NBEAL2: variants seen among roughly 807,000 people sequenced by gnomAD.
The protein encoded by NBEAL2 is neurobeachin-like protein 2.
Under a neutral mutation model 299.8 loss-of-function variants are expected in NBEAL2, and 160 were observed. The observed-to-expected ratio is 0.53, with a 90% CI of 0.47 to 0.61. NBEAL2 has a LOEUF of 0.61. Among genes scored for constraint, NBEAL2 ranks in the 20% least tolerant of loss-of-function variants. The pLI is 0.00. For synonymous variants in NBEAL2, 1,493 were observed against 1,542.3 expected (o/e 0.97, Z 0.75); for missense variants, 3,112 against 3,649.0 (o/e 0.85, Z 3.79).
rs2037270372 is a variant in NBEAL2, at chr3:47,004,431, C to G, written c.6198+38C>G. The G allele has an allele frequency of 1.9e-6, 3 of 1,594,828 alleles. 1 individual carries two copies. Among genetic ancestry groups the G allele is most frequent in the East Asian group, 4.5e-5 (2 of 44,640 alleles). Reference sequence around the variant, plus strand: ...GGTGTGAGGGATGTGAAGTCGGGACCCTGAATCACGGGGCAGTGCTGGACA... The same window carrying G: ...GGTGTGAGGGATGTGAAGTCGGGACGCTGAATCACGGGGCAGTGCTGGACA... On this transcript the variant is annotated intron_variant, in intron 37 of 53. Transcript: ENST00000450053. The surrounding 1 kb of genome is among the most constrained non-coding windows in gnomAD (Gnocchi z 5.0).
chr3:47,002,539 G>A lies in NBEAL2; in HGVS notation c.5301+19G>A, dbSNP rs1326398436. 3 of 1,611,746 alleles carry A rather than the reference G, an allele frequency of 1.9e-6. No homozygotes were observed. Among genetic ancestry groups the A allele is most frequent in the Non-Finnish European group, 2.5e-6 (3 of 1,179,480 alleles). The stretch of plus-strand genomic sequence containing the variant: ...CTTCCAGGTGTGCCACCCGGGGTAA[G>A]GGATGGGAAACTGCTCCACACATGC... On this transcript the variant is annotated intron_variant, in intron 32 of 53. Coordinates refer to ENST00000450053, the MANE Select transcript of NBEAL2 (RefSeq NM_015175.3).
chr3:46,988,790 G>C lies in NBEAL2; in HGVS notation c.140+33G>C. 1.9e-6 allele frequency: 3 copies of C among 1,606,568 alleles called. No individual in the cohort carries two copies. Among genetic ancestry groups the C allele is most frequent in the Non-Finnish European group, 2.6e-6 (3 of 1,173,854 alleles). On this transcript the variant is annotated intron_variant, in intron 2 of 53. Transcript: ENST00000450053. The surrounding 1 kb of genome is among the most constrained non-coding windows in gnomAD (Gnocchi z 4.4). ...TGGATCTGCACTGAGGGCAGGGACA[G>C]AGCAGGGAGATTGAGGGGTCCTCAG...
At chr3:46,998,931 G>A (rs759247094) in intron 23 of NBEAL2, 28 bp from the exon 24 acceptor site, 35 of 1,601,906 alleles carry the variant, frequency 2.2e-5, no homozygotes, top group South Asian at 1.2e-4. Flanking sequence ...GTGGGGGCCC[G>A]ACACAGTGTG....
At chr3:46,998,366 T>C in intron 21 of NBEAL2, 97 bp from the exon 22 acceptor site, 5 of 1,512,268 alleles carry the variant, frequency 3.3e-6, no homozygotes, top group Non-Finnish European at 4.5e-6. Context: ...ACTATGACCC[T>C]GCCCTGGAAG....
rs146846729 is a variant in NBEAL2 at position 47,004,736 on chromosome 3, T to A, written c.6294+146T>A. On this transcript the variant is annotated intron_variant, in intron 38 of 53. Coordinates refer to ENST00000450053, the MANE Select transcript of NBEAL2 (RefSeq NM_015175.3). This position sits in a 1 kb window ranked among gnomAD's most constrained non-coding sequence, Gnocchi z 5.0. ...CAATGAAGACCTGGCCTCTGTTCCC[T>A]GCCAACCCCCAGAGGTCCCCAGCCT... 5 of 397,370 alleles carry A rather than the reference T, an allele frequency of 1.3e-5. No homozygotes were observed. Among genetic ancestry groups the A allele is most frequent in the South Asian group, 3.9e-5 (1 of 25,756 alleles). The allele number at this position is 397,370 out of a possible 1,614,324, so 24.6% of individuals were successfully genotyped here.
At position 46,997,453 on chromosome 3, in the gene NBEAL2, A is replaced by G; in HGVS notation, c.2824+20A>G. ...CTTCAGGTAAGTGTTCCTGGTGCCT[A>G]TGTTGTGGAGAGGGAATCTTGGCAT... On this transcript the variant is annotated intron_variant, in intron 19 of 53. Coordinates refer to ENST00000450053, the MANE Select transcript of NBEAL2 (RefSeq NM_015175.3). 1 of 1,604,170 alleles carries G rather than the reference A, an allele frequency of 6.2e-7. No individual in the cohort carries two copies. Among genetic ancestry groups the G allele is most frequent in the Non-Finnish European group, 8.5e-7 (1 of 1,172,738 alleles).
At chr3:46,983,309 T>TC (rs1196060971) in intron 1 of NBEAL2, among the ~76,000 whole-genome samples, 28 of 84,656 alleles carry the variant, frequency 3.3e-4, no homozygotes, top group Non-Finnish European at 5.8e-4. Flanking sequence ...CTGGTCATAT[T>TC]CCTTTTTTTT....
chr3:46,992,346 C>A (rs958506704), intron 9 of NBEAL2, 129 bp from the exon 10 acceptor site: 1 of 859,424 alleles, frequency 1.2e-6, no homozygotes, highest in Non-Finnish European at 1.9e-6. Context: ...GGGCTCAGCA[C>A]CCTACTCTTC....
chr3:46,989,279 C>A lies in NBEAL2; in HGVS notation c.371C>A (p.Pro124His), dbSNP rs1225527977. The A allele has an allele frequency of 6.2e-7, 1 of 1,610,982 alleles. No homozygotes were observed. The highest frequency in any genetic ancestry group is 1.3e-5 in the African/African-American group (1 of 74,994). ...CTACAGCTGAAAGGATGCCCACCAC[C>A]CCAGGGCCGAGGCACGCAGTTGGAG... ...LVAELKGCPP[P>H]QGRGTQLENV... Residue 124 changes from proline to histidine, a missense_variant, in exon 5 of 54, where the codon CCC becomes CAC. Physicochemically the swap from Pro to His is moderately conservative, Grantham distance 77. Coordinates refer to ENST00000450053, the MANE Select transcript of NBEAL2 (RefSeq NM_015175.3). The surrounding 1 kb of genome is among the most constrained non-coding windows in gnomAD (Gnocchi z 5.5).
In NBEAL2 at chr3:46,988,785, G is replaced by A. The variant is rs374839812; in HGVS notation, c.140+28G>A. The A allele has an allele frequency of 1.1e-4, 174 of 1,608,316 alleles. No homozygotes were observed. The highest frequency in any genetic ancestry group is 3.3e-4 in the Middle Eastern group (2 of 6,044). On this transcript the variant is annotated intron_variant, in intron 2 of 53. Transcript: ENST00000450053. The surrounding 1 kb of genome is among the most constrained non-coding windows in gnomAD (Gnocchi z 4.4). ...GAGGCTGGATCTGCACTGAGGGCAGGGACAGAGCAGGGAGATTGAGGGGTC... is the reference window on the plus strand; with the variant it reads ...GAGGCTGGATCTGCACTGAGGGCAGAGACAGAGCAGGGAGATTGAGGGGTC...
At position 46,989,723 on chromosome 3, in the gene NBEAL2, C is replaced by A; in HGVS notation, c.556+130C>A. The A allele has an allele frequency of 1.2e-6, 1 of 836,264 alleles. No individual in the cohort carries two copies. Among genetic ancestry groups the A allele is most frequent in the Non-Finnish European group, 2.0e-6 (1 of 509,188 alleles). The allele number at this position is 836,264 out of a possible 1,614,324, so 51.8% of individuals were successfully genotyped here. On this transcript the variant is annotated intron_variant, in intron 6 of 53. Transcript: ENST00000450053. This position sits in a 1 kb window ranked among gnomAD's most constrained non-coding sequence, Gnocchi z 5.5. ...ATGCAGGACTGGGAGAACCAAAGAC[C>A]AAGCAAGAGTTTAGGGACAGAGACA...
Position 47,002,040 on chromosome 3 carries a change from A to G in NBEAL2, c.4903A>G (p.Thr1635Ala), listed in dbSNP as rs1009805577. The G allele has an allele frequency of 6.4e-7, 1 of 1,560,814 alleles. No individual in the cohort carries two copies. The highest frequency in any genetic ancestry group is 2.4e-5 in the East Asian group (1 of 41,524). Residue 1635 changes from threonine (T) to alanine (A), a missense_variant, in exon 31 of 54, where the codon ACC becomes GCC. By Grantham distance (58) the Thr-to-Ala change is moderately conservative. This residue lies in a region of NBEAL2 where 2,243 missense variants were observed against 2,538.1 expected (regional missense o/e 0.88). Coordinates refer to ENST00000450053, the MANE Select transcript of NBEAL2 (RefSeq NM_015175.3). ...LEAALGRVLN[T>A]SSLESATDEA... is the part of the protein sequence containing the mutation. The stretch of plus-strand genomic sequence containing the variant: ...GGCTGCACTGGGGCGGGTGCTGAAC[A>G]CCTCTTCCTTGGAGTCAGCCACTGA...
At chr3:47,008,033 CAG>C (rs772324533) in intron 49 of NBEAL2, 35 bp from the exon 50 acceptor site, 24 of 1,606,744 alleles carry the variant, frequency 1.5e-5, no homozygotes, top group Non-Finnish European at 1.9e-5. Context: ...TCCTGAGCCT[CAG>C]GGGACAGTCC....
rs1204434146 is a variant in NBEAL2, at chr3:46,982,993, C to T, written c.51+3081C>T. 1.3e-5 allele frequency among the ~76,000 whole-genome samples: 2 copies of T among 152,104 alleles called. No individual in the cohort carries two copies. Among genetic ancestry groups the T allele is most frequent in the African/African-American group, 4.8e-5 (2 of 41,376 alleles). On this transcript the variant is annotated intron_variant, in intron 1 of 53. Coordinates refer to ENST00000450053, the MANE Select transcript of NBEAL2 (RefSeq NM_015175.3). The surrounding 1 kb of genome is among the most constrained non-coding windows in gnomAD (Gnocchi z 4.2). ...GCAGATGAGTGGCCCCTGTTCAGGC[C>T]GGAGCAGCAGTGATGTTCAGCAACC...
At position 46,991,851 on chromosome 3, in the gene NBEAL2, A is replaced by G. The variant is rs1423322450; in HGVS notation, c.937A>G (p.Met313Val). 1.3e-6 allele frequency: 2 copies of G among 1,598,030 alleles called. No individual in the cohort carries two copies. The highest frequency in any genetic ancestry group is 1.7e-6 in the Non-Finnish European group (2 of 1,172,420). Residue 313 changes from methionine to valine, a missense_variant, in exon 9 of 54, where the codon ATG becomes GTG. Physicochemically the swap from Met to Val is conservative, Grantham distance 21 (BLOSUM62 1). Around this residue, in one of 3 missense-constraint regions of NBEAL2, gnomAD observed 2,243 missense variants for 2,538.1 expected, o/e 0.88. Transcript: ENST00000450053. The surrounding 1 kb of genome is among the most constrained non-coding windows in gnomAD (Gnocchi z 6.2). Reference protein sequence around the residue: ...LRVSMLDAIPMMLACEDRPVL... With the variant: ...LRVSMLDAIPVMLACEDRPVL... ...TGACCCTTCCACAGACGCCATCCCC[A>G]TGATGCTGGCATGTGAAGACCGGCC...
At position 46,998,960 on chromosome 3, in the gene NBEAL2, C is replaced by T. The variant is rs568496511; in HGVS notation, c.3386C>T (p.Ala1129Val). 30 of 1,606,060 alleles carry T rather than the reference C, an allele frequency of 1.9e-5. No homozygotes were observed. Among genetic ancestry groups the T allele is most frequent in the East Asian group, 1.8e-4 (8 of 44,602 alleles). ...CAGTGTGAGACCCTGCATCCCCAGG[C>T]GGTGGGTGCGCTGGACCTGCTGCTG... ...FLAATGDDGQAVGALDLLLAL... is the reference protein window; with the variant it reads ...FLAATGDDGQVVGALDLLLAL... Residue 1129 changes from alanine to valine, a missense_variant and splice_region_variant, in exon 24 of 54, where the codon GCG becomes GTG. This residue lies in a region of NBEAL2 where 2,243 missense variants were observed against 2,538.1 expected (regional missense o/e 0.88). Transcript: ENST00000450053.
chr3:46,980,807 A>T (rs1477044748), intron 1 of NBEAL2, among the ~76,000 whole-genome samples: 1 of 152,118 alleles, frequency 6.6e-6, no homozygotes, highest in Non-Finnish European at 1.5e-5. Context: ...GAGGGATCCC[A>T]GGGTAACACT....
At chr3:46,985,962 C>A (rs945846708) in intron 1 of NBEAL2, among the ~76,000 whole-genome samples, 1 of 152,236 alleles carries the variant, frequency 6.6e-6, no homozygotes, top group Non-Finnish European at 1.5e-5. Flanking sequence ...CATTCTCTGC[C>A]CTCTGACCCT....
rs2037373821 is a variant in NBEAL2 at position 47,005,603 on chromosome 3, C to T, written c.6675C>T (p.Phe2225=). Residue 2225 remains phenylalanine (F), a synonymous_variant, in exon 41 of 54, where the codon TTC becomes TTT. Coordinates refer to ENST00000450053, the MANE Select transcript of NBEAL2 (RefSeq NM_015175.3). The part of the protein sequence containing the change: ...LIPEFFYFPD[F]LENQNGFDLG... ...CGGAATTCTTCTACTTTCCTGACTT[C>T]CTGGAGAACCAGAACGGTAGGTGTG... The T allele has an allele frequency of 1.2e-6, 2 of 1,613,492 alleles. No homozygotes were observed. Among genetic ancestry groups the T allele is most frequent in the South Asian group, 1.1e-5 (1 of 91,028 alleles).
Sources: allele counts gnomAD v4.1 joint callset (sites outside exome capture counted in the v4.1 genomes callset), GRCh38; gene constraint gnomAD v4.1.1; regional missense constraint gnomAD v4.1.1; non-coding constraint Gnocchi (gnomAD v3.1); transcripts MANE v1.5; gene names NCBI Gene and HGNC (gene_info 2026-07-23, HGNC 2026-07-21).